MRE11: variants seen among roughly 807,000 people sequenced by gnomAD.
MRE11 encodes the protein double-strand break repair protein MRE11.
In MRE11, 62 loss-of-function variants were observed where a neutral mutation model predicts 91.7. That is an observed-to-expected ratio of 0.68 (90% CI 0.55 to 0.84). The LOEUF (loss-of-function observed/expected upper bound fraction) is 0.84, where lower values mean the gene tolerates loss of function less well. MRE11 is among the 40% of genes least tolerant of loss of function. The probability of loss-of-function intolerance (pLI) is 0.00; values close to 1 mark genes in which losing one functional copy is unlikely to be tolerated. For missense variants in MRE11, 796 were observed against 852.9 expected, an observed-to-expected ratio of 0.93 and a Z score of 0.83; for synonymous variants, 273 against 271.4, an observed-to-expected ratio of 1.01 and a Z score of -0.06.
At chr11:94,470,311 G>C (rs1178736628) in intron 9 of MRE11, among the ~76,000 whole-genome samples, 160 bp downstream of exon 9, 3 of 151,486 alleles carry the variant, frequency 2.0e-5, no homozygotes, top group African/African-American at 7.3e-5. Context: ...AAAAAATCTT[G>C]GACACAATTA....
At chr11:94,502,290 T>TA in the MRE11 span, among the ~76,000 whole-genome samples, 2 of 152,252 alleles carry the variant, frequency 1.3e-5, no homozygotes, top group African/African-American at 4.8e-5. Flanking sequence ...ATTTGATATG[T>TA]ATTTGTAAAG....
At chr11:94,502,899 T>A in the MRE11 span, among the ~76,000 whole-genome samples, 2 of 152,188 alleles carry the variant, frequency 1.3e-5, no homozygotes, top group African/African-American at 4.8e-5. Context: ...GGTCTCAAAC[T>A]CCTGGCCTCA....
the MRE11 span, among the ~76,000 whole-genome samples, chr11:94,504,179 C>T: frequency 6.6e-6 from 1 of 152,136 alleles, no homozygotes; most frequent in East Asian, 1.9e-4. Context: ...AATGATTTTG[C>T]AGGTGTACAC....
chr11:94,506,311 C>A, the MRE11 span, among the ~76,000 whole-genome samples: 1 of 150,522 alleles, frequency 6.6e-6, no homozygotes, highest in Non-Finnish European at 1.5e-5. Context: ...TACCCCTGAA[C>A]CTAAAAAAAA....
intron 16 of MRE11, among the ~76,000 whole-genome samples, chr11:94,440,427 A>AT (rs961664335): frequency 8.6e-6 from 1 of 116,942 alleles, no homozygotes; most frequent in Non-Finnish European, 1.8e-5. Flanking sequence ...TACCTCAAAC[A>AT]TTTAAAAAAA....
At chr11:94,446,831 T>C (rs138962379) in intron 15 of MRE11, among the ~76,000 whole-genome samples, 1 of 152,344 alleles carries the variant, frequency 6.6e-6, no homozygotes, top group East Asian at 1.9e-4. Context: ...ATAATAATTG[T>C]ATGATCTGGA....
chr11:94,491,134 A>G (rs1416050713), intron 2 of MRE11, among the ~76,000 whole-genome samples, 169 bp from the exon 3 acceptor site: 1 of 152,192 alleles, frequency 6.6e-6, no homozygotes, highest in African/African-American at 2.4e-5. Flanking sequence ...TATCATTAAC[A>G]TTACAGTTTT....
intron 14 of MRE11, among the ~76,000 whole-genome samples, chr11:94,447,665 CAAAAAAAAAA>C (rs56850566): frequency 2.0e-5 from 1 of 48,980 alleles, no homozygotes; most frequent in Non-Finnish European, 4.2e-5. Context: ...CCCGTCTCTA[CAAAAAAAAAA>C]AAAAAAAAAA....
upstream of MRE11, among the ~76,000 whole-genome samples, chr11:94,495,196 A>G (rs1947395924): frequency 6.6e-6 from 1 of 152,222 alleles, no homozygotes; most frequent in African/African-American, 2.4e-5. Flanking sequence ...TTAAGATTGT[A>G]TACTGTTAAA....
intron 16 of MRE11, among the ~76,000 whole-genome samples, chr11:94,445,082 C>A (rs1216574427): frequency 6.6e-6 from 1 of 152,012 alleles, no homozygotes; most frequent in Non-Finnish European, 1.5e-5. Context: ...ATTCCAAGGG[C>A]CTAGCCATAA....
upstream of MRE11, among the ~76,000 whole-genome samples, chr11:94,495,654 G>C (rs761872246): frequency 6.6e-6 from 1 of 152,142 alleles, no homozygotes; most frequent in Non-Finnish European, 1.5e-5. Flanking sequence ...AACCCTTTAA[G>C]CTGATATTGG....
chr11:94,458,897 A>G (rs1946336856), intron 13 of MRE11, among the ~76,000 whole-genome samples: 1 of 152,164 alleles, frequency 6.6e-6, no homozygotes, highest in Non-Finnish European at 1.5e-5. Context: ...GCTCATTAAT[A>G]TTAAGAATAT....
At position 94,429,940 on chromosome 11, in the gene MRE11, A is replaced by C. The variant is rs757752087; in HGVS notation, c.2041T>G (p.Ser681Ala). The change falls in exon 19 of 20, where the codon TCG becomes GCG. Residue 681 changes from serine (S) to alanine (A), a missense_variant. Coordinates refer to ENST00000323929, the MANE Select transcript of MRE11 (RefSeq NM_005591.4). ...SSKIMSQSQV[S>A]KGVDFESSED... ...CTTGATTCAAAATCAACCCCTTTCG[A>C]TACTTGACTCTGGGACATGATTTTG... 1.9e-6 allele frequency: 3 copies of C among 1,613,994 alleles called. No homozygotes were observed. The highest frequency in any genetic ancestry group is 2.5e-6 in the Non-Finnish European group (3 of 1,179,996).
chr11:94,450,052 T>C (rs1394708350), intron 14 of MRE11, among the ~76,000 whole-genome samples: 1 of 152,212 alleles, frequency 6.6e-6, no homozygotes, highest in Non-Finnish European at 1.5e-5. Flanking sequence ...GCAAAAAGGC[T>C]GCAATATGAC....
At chr11:94,490,607 C>G (rs1265244619) in intron 3 of MRE11, among the ~76,000 whole-genome samples, 13 of 152,124 alleles carry the variant, frequency 8.5e-5, no homozygotes, top group Admixed American at 8.5e-4. Context: ...TCAGTAAACA[C>G]CCCAAAAACA....
the MRE11 span, among the ~76,000 whole-genome samples, chr11:94,502,199 T>A: frequency 6.6e-6 from 1 of 152,242 alleles, no homozygotes; most frequent in African/African-American, 2.4e-5. Context: ...CTTACACGGA[T>A]TGCCCATTGT....
At chr11:94,490,299 G>C (rs760021590) in intron 3 of MRE11, among the ~76,000 whole-genome samples, 8 of 152,080 alleles carry the variant, frequency 5.3e-5, no homozygotes, top group Non-Finnish European at 1.0e-4. Context: ...TGCTTCACAT[G>C]GATGTACATT....
upstream of MRE11, chr11:94,496,964 A>T: frequency 5.0e-6 from 8 of 1,612,210 alleles, no homozygotes; most frequent in Non-Finnish European, 6.8e-6. Context: ...AAAAAAAAAA[A>T]TTACAGAGGG....
chr11:94,442,718 A>G (rs1248181258), intron 16 of MRE11, among the ~76,000 whole-genome samples: 1 of 152,192 alleles, frequency 6.6e-6, no homozygotes, highest in Non-Finnish European at 1.5e-5. Flanking sequence ...CTTCAGAATA[A>G]CCCAATACAA....
Sources: allele counts gnomAD v4.1 joint callset (sites outside exome capture counted in the v4.1 genomes callset), GRCh38; gene constraint gnomAD v4.1.1; transcripts MANE v1.5; gene names NCBI Gene and HGNC (gene_info 2026-07-23, HGNC 2026-07-21).